Variants in ROBO2 observed in about 807,000 individuals in gnomAD.
The protein encoded by ROBO2 is roundabout guidance receptor 2.
In ROBO2, 53 loss-of-function variants were observed where a neutral mutation model predicts 160.8. That is an observed-to-expected ratio of 0.33 (90% CI 0.26 to 0.41). ROBO2 has a LOEUF of 0.41. Among genes scored for constraint, ROBO2 ranks in the 10% least tolerant of loss-of-function variants. The pLI, the probability that ROBO2 is intolerant of heterozygous loss-of-function variation, is 1.00. For missense variants in ROBO2, 1,577 were observed against 1,722.4 expected, an observed-to-expected ratio of 0.92 and a Z score of 1.49; for synonymous variants, 664 against 611.7, an observed-to-expected ratio of 1.09 and a Z score of -1.26.
At chr3:76,683,032 T>A (rs1171458161) in intron 2 of ROBO2, among the ~76,000 whole-genome samples, 2 of 152,126 alleles carry the variant, frequency 1.3e-5, no homozygotes, top group Non-Finnish European at 2.9e-5. Flanking sequence ...AAGGATCAGA[T>A]GTGAGCCTTA....
chr3:76,672,676 G>A (rs892136539), intron 2 of ROBO2, among the ~76,000 whole-genome samples: 1 of 152,132 alleles, frequency 6.6e-6, no homozygotes, highest in South Asian at 2.1e-4. Context: ...AGCACAATGA[G>A]CAGCTTTGAC....
intron 2 of ROBO2, among the ~76,000 whole-genome samples, chr3:76,853,813 T>C (rs111518545): frequency 1.3e-5 from 2 of 152,134 alleles, no homozygotes; most frequent in African/African-American, 4.8e-5. Context: ...TGGAACTGAA[T>C]TATTTGTGAT....
chr3:76,327,384 C>T (rs936944673), intron 2 of ROBO2, among the ~76,000 whole-genome samples: 1 of 152,012 alleles, frequency 6.6e-6, no homozygotes, highest in Non-Finnish European at 1.5e-5. Context: ...ACTTGATATA[C>T]ATTTTAAAGT....
Position 76,472,100 on chromosome 3 carries a change from T to TGTGTGC in ROBO2, c.109+534499_109+534500insTGTGCG, listed in dbSNP as rs1491261065. Among the ~76,000 whole-genome samples the TGTGTGC allele has an allele frequency of 6.3e-3, 704 of 111,112 alleles. 26 individuals are homozygous for TGTGTGC. The highest frequency in any genetic ancestry group is 6.2e-3 in the Non-Finnish European group (316 of 51,112). The allele number at this position is 111,112 out of a possible 152,430, so 72.9% of individuals were successfully genotyped here. On this transcript the variant is annotated intron_variant, in intron 2 of 26. Coordinates refer to the ROBO2 transcript ENST00000487694. ...GTGTGTGTGTGTGTGTGTGTGTGTG[T>TGTGTGC]GCGCGTGTGCGTGCGCATGTGTATC... is the stretch of plus-strand genomic sequence containing the variant.
At chr3:77,401,973 T>C (rs28404690) in intron 2 of ROBO2, among the ~76,000 whole-genome samples, 6,239 of 152,230 alleles carry the variant, frequency 0.041, 231 homozygotes, top group South Asian at 0.14. Flanking sequence ...TAAAGAAACA[T>C]GCACACATAT....
chr3:76,481,627 G>A (rs2079212627), intron 2 of ROBO2, among the ~76,000 whole-genome samples: 1 of 152,108 alleles, frequency 6.6e-6, no homozygotes, highest in Non-Finnish European at 1.5e-5. Flanking sequence ...CTGGGAGCTG[G>A]TTAGAAATGC....
At chr3:75,912,214 T>C (rs572094632) in intron 1 of ROBO2, among the ~76,000 whole-genome samples, 2 of 152,272 alleles carry the variant, frequency 1.3e-5, no homozygotes, top group South Asian at 2.1e-4. Context: ...CAAAGTTTGA[T>C]GAGAGAAGGG....
intron 2 of ROBO2, among the ~76,000 whole-genome samples, chr3:76,921,822 G>T (rs958009572): frequency 3.0e-4 from 46 of 152,232 alleles, no homozygotes; most frequent in African/African-American, 1.0e-3. Context: ...GGTTTTAACA[G>T]AATTTTTAGA....
intron 2 of ROBO2, among the ~76,000 whole-genome samples, chr3:76,696,430 C>A (rs1254729915): frequency 6.6e-6 from 1 of 151,410 alleles, no homozygotes; most frequent in Admixed American, 6.6e-5. Flanking sequence ...AACAGAGCTC[C>A]CATACGAAGG....
intron 2 of ROBO2, among the ~76,000 whole-genome samples, chr3:77,265,543 T>C (rs2059067796): frequency 6.6e-6 from 1 of 152,172 alleles, no homozygotes; most frequent in Admixed American, 6.6e-5. Context: ...CCCTCTTCCA[T>C]TTCCATTATT....
chr3:77,298,299 T>A (rs111338329), intron 2 of ROBO2, among the ~76,000 whole-genome samples: 10 of 152,244 alleles, frequency 6.6e-5, no homozygotes, highest in African/African-American at 2.4e-4. Flanking sequence ...AGTTCAAGCA[T>A]GGAAAATGAT....
chr3:76,932,064 A>G (rs2077380785), intron 2 of ROBO2, among the ~76,000 whole-genome samples: 1 of 152,210 alleles, frequency 6.6e-6, no homozygotes, highest in Admixed American at 6.5e-5. Flanking sequence ...AATGGCTGTA[A>G]TGATTCTAAA....
chr3:77,402,829 C>T (rs1026483859), intron 2 of ROBO2, among the ~76,000 whole-genome samples: 5 of 152,072 alleles, frequency 3.3e-5, no homozygotes, highest in East Asian at 1.9e-4. Flanking sequence ...GGTCAAACCA[C>T]GCACTTGATC....
intron 2 of ROBO2, among the ~76,000 whole-genome samples, chr3:77,252,656 A>C (rs951196585): frequency 3.3e-5 from 5 of 150,336 alleles, no homozygotes; most frequent in African/African-American, 1.2e-4. Context: ...AAATACAAAA[A>C]AATTAGCTGG....
At chr3:76,808,067 T>G (rs1478475204) in intron 2 of ROBO2, among the ~76,000 whole-genome samples, 1 of 152,092 alleles carries the variant, frequency 6.6e-6, no homozygotes, top group Non-Finnish European at 1.5e-5. Context: ...ATAATCTGAA[T>G]TATAATAAAT....
At chr3:77,518,336 T>C (rs886434741) in intron 5 of ROBO2, among the ~76,000 whole-genome samples, 2 of 151,502 alleles carry the variant, frequency 1.3e-5, no homozygotes, top group Non-Finnish European at 3.0e-5. Context: ...ATTCAAAGTA[T>C]TCTGATATAA....
At chr3:76,568,060 C>T (rs1436732549) in intron 2 of ROBO2, among the ~76,000 whole-genome samples, 1 of 151,632 alleles carries the variant, frequency 6.6e-6, no homozygotes, top group African/African-American at 2.4e-5. Flanking sequence ...AGCGATCCAC[C>T]AGCCTTAGCC....
chr3:76,792,283 A>C (rs1336019043), intron 2 of ROBO2, among the ~76,000 whole-genome samples: 1 of 151,870 alleles, frequency 6.6e-6, no homozygotes, highest in East Asian at 1.9e-4. Flanking sequence ...ATATTTGAGA[A>C]TGTATACTTA....
rs144572027 is a variant in ROBO2 at position 77,622,257 on chromosome 3, G to T, written c.3585G>T (p.Gln1195His). The T allele has an allele frequency of 9.3e-6, 15 of 1,614,090 alleles. No homozygotes were observed. The East Asian group carries it at 3.3e-4, about 36-fold the overall frequency. Reference sequence around the variant, plus strand: ...TTCAAAGCAATAATCAACCTCCACAGCCTCCAGTTCCACCGTTAGGTTATG... The same window carrying T: ...TTCAAAGCAATAATCAACCTCCACATCCTCCAGTTCCACCGTTAGGTTATG... The change falls in exon 23 of 26, where the codon CAG becomes CAT. Residue 1195 changes from glutamine (Q) to histidine (H), a missense_variant. Physicochemically the swap from Gln to His is conservative, Grantham distance 24 (BLOSUM62 0). This residue lies in a region of ROBO2 where 637 missense variants were observed against 586.9 expected (regional missense o/e 1.09). Coordinates refer to ENST00000461745, the Ensembl canonical transcript of ROBO2.
Sources: allele counts gnomAD v4.1 joint callset (sites outside exome capture counted in the v4.1 genomes callset), GRCh38; gene constraint gnomAD v4.1.1; regional missense constraint gnomAD v4.1.1; transcripts MANE v1.5; gene names NCBI Gene and HGNC (gene_info 2026-07-23, HGNC 2026-07-21).